VSNL1: variants seen among roughly 807,000 people sequenced by gnomAD.
VSNL1 encodes the protein visinin like 1.
VSNL1 carries 6 observed loss-of-function variants against 20.4 expected under a neutral mutation model. The observed-to-expected ratio is 0.29, with a 90% CI of 0.16 to 0.58. VSNL1 has a LOEUF of 0.58. VSNL1 is among the 20% of genes least tolerant of loss of function. VSNL1 has a pLI of 0.90. For missense variants in VSNL1, 100 were observed against 234.5 expected, an observed-to-expected ratio of 0.43 and a Z score of 3.75; for synonymous variants, 93 against 86.4, an observed-to-expected ratio of 1.08 and a Z score of -0.42.
intron 2 of VSNL1, among the ~76,000 whole-genome samples, chr2:17,621,648 G>C (rs1665362841): frequency 6.6e-6 from 1 of 152,066 alleles, no homozygotes; most frequent in African/African-American, 2.4e-5. Context: ...TTTTAATAGA[G>C]AGGAGATGTC....
In VSNL1 at chr2:17,564,883, G is replaced by A. The variant is rs146454645; in HGVS notation, c.-6+23965G>A. Among the ~76,000 whole-genome samples the A allele has an allele frequency of 3.6e-4, 55 of 152,142 alleles. No individual in the cohort carries two copies. The East Asian group carries it at 7.3e-3, about 20-fold the overall frequency. ...ATCAACAAAGTAGTCGTAAGATTAC[G>A]GAAATTAACCTGAATTTCAATTTAG... On this transcript the variant is annotated intron_variant, in intron 1 of 3. Transcript: ENST00000295156.
chr2:17,612,141 T>C (rs777163845), intron 2 of VSNL1, among the ~76,000 whole-genome samples: 1 of 152,234 alleles, frequency 6.6e-6, no homozygotes, highest in African/African-American at 2.4e-5. Context: ...AGATGTGTTT[T>C]GAAGTTCTGG....
intron 1 of VSNL1, among the ~76,000 whole-genome samples, chr2:17,575,143 A>G (rs1044583065): frequency 3.9e-5 from 6 of 152,044 alleles, no homozygotes; most frequent in Admixed American, 1.3e-4. Context: ...AACTTTTTGT[A>G]GGAGATGGCC....
At chr2:17,551,222 C>A (rs886767928) in intron 1 of VSNL1, among the ~76,000 whole-genome samples, 1 of 152,280 alleles carries the variant, frequency 6.6e-6, no homozygotes, top group African/African-American at 2.4e-5. Flanking sequence ...CCCTTCTCTG[C>A]CCCCTCCCTA....
chr2:17,638,508 C>T (rs1332512644), intron 2 of VSNL1, among the ~76,000 whole-genome samples: 2 of 152,170 alleles, frequency 1.3e-5, no homozygotes, highest in Non-Finnish European at 2.9e-5. Context: ...AATCCCTCTC[C>T]CAGCATCTCA....
At chr2:17,602,753 TAAAATAAAATAAAATAAA>T (rs756777476) in intron 2 of VSNL1, among the ~76,000 whole-genome samples, 41 of 136,296 alleles carry the variant, frequency 3.0e-4, no homozygotes, top group East Asian at 1.8e-3. Flanking sequence ...AACATAAATA[TAAAATAAAATAAAATAAA>T]AAAATAAAAT....
At chr2:17,559,153 G>A (rs1323902340) in intron 1 of VSNL1, among the ~76,000 whole-genome samples, 2 of 152,092 alleles carry the variant, frequency 1.3e-5, no homozygotes, top group Non-Finnish European at 1.5e-5. Context: ...TGAAGGTCAG[G>A]TCATACCCTT....
chr2:17,601,365 G>C (rs1664815535), intron 2 of VSNL1, among the ~76,000 whole-genome samples: 1 of 152,216 alleles, frequency 6.6e-6, no homozygotes, highest in Admixed American at 6.5e-5. Context: ...GCCAGGCATG[G>C]TGGCTCACAC....
chr2:17,642,309 C>CTTTTGTTTTTTTTTTTTTTTTT (rs1665897850), intron 2 of VSNL1, among the ~76,000 whole-genome samples: 1 of 93,194 alleles, frequency 1.1e-5, no homozygotes, highest in Non-Finnish European at 2.3e-5. Flanking sequence ...GTGAGCATTC[C>CTTTTGTTTTTTTTTTTTTTTTT]TTTTTTTTTT....
rs777202780 is a variant in VSNL1 at position 17,656,227 on chromosome 2, T to A, written c.*833T>A. 2 of 152,196 alleles carry A rather than the reference T, an allele frequency of 1.3e-5. No individual in the cohort carries two copies. Among genetic ancestry groups the A allele is most frequent in the Non-Finnish European group, 2.9e-5 (2 of 68,042 alleles). The allele number at this position is 152,196 out of a possible 1,614,324, so 9.4% of individuals were successfully genotyped here. On this transcript the variant is annotated 3_prime_UTR_variant, in exon 4 of 4. Transcript: ENST00000295156. Reference sequence around the variant, plus strand: ...TTTTATAATTTTAAAATTGCAGCAGTTGCTAGCAACAACTTACTAAATCTA... The same window carrying A: ...TTTTATAATTTTAAAATTGCAGCAGATGCTAGCAACAACTTACTAAATCTA...
intron 2 of VSNL1, among the ~76,000 whole-genome samples, chr2:17,623,669 C>CA (rs5829599): frequency 0.039 from 2,692 of 69,872 alleles, 76 homozygotes; most frequent in African/African-American, 0.082. Context: ...GACTCCATCT[C>CA]AAAAAAAAAA....
At chr2:17,644,095 G>A (rs1665941980) in intron 2 of VSNL1, among the ~76,000 whole-genome samples, 1 of 152,188 alleles carries the variant, frequency 6.6e-6, no homozygotes, top group Non-Finnish European at 1.5e-5. Context: ...GGATGGAAGG[G>A]CCTCAGTGTA....
intron 2 of VSNL1, among the ~76,000 whole-genome samples, chr2:17,610,802 C>T (rs1164714699): frequency 2.0e-5 from 3 of 152,164 alleles, no homozygotes; most frequent in African/African-American, 7.2e-5. Flanking sequence ...GAACCTTCCT[C>T]TGAACTCTAG....
At chr2:17,618,153 A>G (rs1665264004) in intron 2 of VSNL1, among the ~76,000 whole-genome samples, 1 of 152,212 alleles carries the variant, frequency 6.6e-6, no homozygotes, top group African/African-American at 2.4e-5. Flanking sequence ...CACCTGGTGT[A>G]TCAGTTTCCT....
intron 1 of VSNL1, among the ~76,000 whole-genome samples, chr2:17,573,138 G>A (rs561621849): frequency 3.9e-5 from 6 of 152,196 alleles, no homozygotes; most frequent in African/African-American, 1.4e-4. Flanking sequence ...TTGGCCATTC[G>A]ACAAGTGCGT....
rs959637807 is a variant in VSNL1, at chr2:17,634,761, A to C, written c.163-14649A>C. Among the ~76,000 whole-genome samples the C allele has an allele frequency of 3.9e-5, 6 of 152,160 alleles. No individual in the cohort carries two copies. The South Asian group carries it at 1.2e-3, about 32-fold the overall frequency. On this transcript the variant is annotated intron_variant, in intron 2 of 3. Transcript: ENST00000295156. This position sits in a 1 kb window ranked among gnomAD's most constrained non-coding sequence, Gnocchi z 4.3. ...AAGAGAAAATGGTTAGCTCATTCCC[A>C]TAGTCACACAGTTCCATCCCACCCA...
chr2:17,652,511 A>G (rs976931716), intron 3 of VSNL1, among the ~76,000 whole-genome samples: 1 of 152,264 alleles, frequency 6.6e-6, no homozygotes, highest in Non-Finnish European at 1.5e-5. Context: ...AATCCTAAAT[A>G]GAGCAGCCCA....
chr2:17,592,403 T>C (rs994525606), intron 2 of VSNL1, among the ~76,000 whole-genome samples, 167 bp downstream of exon 2: 1 of 152,216 alleles, frequency 6.6e-6, no homozygotes, highest in African/African-American at 2.4e-5. Context: ...AATGTATATA[T>C]GTTGTTCCCA....
intron 1 of VSNL1, among the ~76,000 whole-genome samples, chr2:17,551,794 T>TAA (rs922224337): frequency 5.3e-5 from 8 of 151,682 alleles, no homozygotes; most frequent in Non-Finnish European, 8.8e-5. Flanking sequence ...AAAATTGAAT[T>TAA]AATCTGAATA....
Sources: allele counts gnomAD v4.1 joint callset (sites outside exome capture counted in the v4.1 genomes callset), GRCh38; gene constraint gnomAD v4.1.1; non-coding constraint Gnocchi (gnomAD v3.1); transcripts MANE v1.5; gene names NCBI Gene and HGNC (gene_info 2026-07-23, HGNC 2026-07-21).